The following TNFAIP6 variants were observed in gnomAD, a reference collection of about 807,000 sequenced individuals.
TNFAIP6 encodes the protein tumor necrosis factor-inducible gene 6 protein.
Under a neutral mutation model 33.7 loss-of-function variants are expected in TNFAIP6, and 36 were observed. That is an observed-to-expected ratio of 1.07 (90% confidence interval 0.82 to 1.41). The LOEUF (loss-of-function observed/expected upper bound fraction) is 1.41. Ranked by LOEUF, TNFAIP6 falls within the 40% of genes most tolerant of loss-of-function variation. The pLI is 0.00. For missense variants in TNFAIP6, 273 were observed against 331.9 expected (o/e 0.82, Z 1.38); for synonymous variants, 113 against 112.8 (o/e 1.00, Z -0.01).
chr2:151,377,685 C>T (rs1558902607), intron 5 of TNFAIP6, among the ~76,000 whole-genome samples: 1 of 152,062 alleles, frequency 6.6e-6, no homozygotes, highest in Non-Finnish European at 1.5e-5. Context: ...TATGAATTGC[C>T]TATGAATTTA....
intron 5 of TNFAIP6, among the ~76,000 whole-genome samples, chr2:151,376,650 A>G (rs1268326729): frequency 6.6e-6 from 1 of 152,050 alleles, no homozygotes; most frequent in Non-Finnish European, 1.5e-5. Flanking sequence ...TAGATCATTC[A>G]AATTCTTTTT....
At chr2:151,360,333 T>A (rs1684607296) in intron 1 of TNFAIP6, among the ~76,000 whole-genome samples, 1 of 152,066 alleles carries the variant, frequency 6.6e-6, no homozygotes, top group Non-Finnish European at 1.5e-5. Flanking sequence ...AAGTGACGTA[T>A]CTTGAGTTCC....
Position 151,357,743 on chromosome 2 carries a change from A to T in TNFAIP6, c.77A>T (p.His26Leu), listed in dbSNP as rs1300954433. The T allele has an allele frequency of 6.2e-7, 1 of 1,606,774 alleles. No homozygotes were observed. Among genetic ancestry groups the T allele is most frequent in the Non-Finnish European group, 8.5e-7 (1 of 1,173,610 alleles). The change falls in exon 1 of 6, where the codon CAT becomes CTT. Residue 26 changes from histidine (H) to leucine (L), a missense_variant. Transcript: ENST00000243347. ...TGGGGATTCAAGGATGGAATTTTTC[A>T]TAACTCCATATGGCTTGGTAAGAAC... is the stretch of plus-strand genomic sequence containing the variant. ...QGWGFKDGIF[H>L]NSIWLERAAG...
At chr2:151,378,388 C>G (rs1684954544) in intron 5 of TNFAIP6, among the ~76,000 whole-genome samples, 1 of 151,994 alleles carries the variant, frequency 6.6e-6, no homozygotes, top group South Asian at 2.1e-4. Flanking sequence ...AAACTTGTTG[C>G]TCTGACATCA....
intron 3 of TNFAIP6, among the ~76,000 whole-genome samples, chr2:151,369,043 A>G (rs1206439422): frequency 6.6e-6 from 1 of 152,178 alleles, no homozygotes; most frequent in Non-Finnish European, 1.5e-5. Flanking sequence ...AAATACAAAA[A>G]TTAGCCAGAC....
intron 5 of TNFAIP6, among the ~76,000 whole-genome samples, chr2:151,375,569 G>A (rs1684892286): frequency 6.6e-6 from 1 of 152,050 alleles, no homozygotes; most frequent in Non-Finnish European, 1.5e-5. Flanking sequence ...TTGGCCAGGT[G>A]CAGTGGCACA....
chr2:151,367,272 C>T (rs1358768076), intron 3 of TNFAIP6, among the ~76,000 whole-genome samples: 1 of 152,138 alleles, frequency 6.6e-6, no homozygotes, highest in Non-Finnish European at 1.5e-5. Context: ...GGAATAAATA[C>T]TTAACAGTGC....
intron 4 of TNFAIP6, among the ~76,000 whole-genome samples, chr2:151,372,740 C>CAA (rs1161929968): frequency 6.6e-6 from 1 of 150,744 alleles, no homozygotes; most frequent in Non-Finnish European, 1.5e-5. Flanking sequence ...GCCAACATGG[C>CAA]AAAACCCTGT....
intron 5 of TNFAIP6, among the ~76,000 whole-genome samples, chr2:151,376,242 T>C (rs1248055101): frequency 6.6e-6 from 1 of 151,822 alleles, no homozygotes; most frequent in Non-Finnish European, 1.5e-5. Flanking sequence ...TAAGATTCCC[T>C]TTCAAAAAAA....
At chr2:151,364,455 T>C (rs928092371) in intron 2 of TNFAIP6, among the ~76,000 whole-genome samples, 3 of 152,254 alleles carry the variant, frequency 2.0e-5, no homozygotes, top group African/African-American at 7.2e-5. Context: ...TAGTACTATA[T>C]TGAGTCTTAC....
Position 151,371,593 on chromosome 2 carries a change from C to T in TNFAIP6, c.623+1345C>T, listed in dbSNP as rs930677512. Among the ~76,000 whole-genome samples, 66 of 146,018 alleles carry T rather than the reference C, an allele frequency of 4.5e-4. No homozygotes were observed. The East Asian group carries it at 0.012, about 26-fold the overall frequency. Reference sequence around the variant, plus strand: ...TTTTCTTCTTTCTACATCTTTTTTTCTTTTTTTTTTTCTTTTTTTTGAGAC... The same window carrying T: ...TTTTCTTCTTTCTACATCTTTTTTTTTTTTTTTTTTTCTTTTTTTTGAGAC... On this transcript the variant is annotated intron_variant, in intron 4 of 5. Coordinates refer to ENST00000243347, the MANE Select transcript of TNFAIP6 (RefSeq NM_007115.4).
intron 3 of TNFAIP6, among the ~76,000 whole-genome samples, chr2:151,368,573 A>G (rs1323308585): frequency 6.6e-6 from 1 of 151,936 alleles, no homozygotes; most frequent in Admixed American, 6.5e-5. Flanking sequence ...TTTATAACAT[A>G]TTGAAATCTG....
intron 5 of TNFAIP6, among the ~76,000 whole-genome samples, chr2:151,376,527 C>T (rs1684910040): frequency 6.6e-6 from 1 of 152,062 alleles, no homozygotes; most frequent in African/African-American, 2.4e-5. Context: ...CCTCTCCATC[C>T]CAGAAAGGCA....
chr2:151,379,483 A>T lies in TNFAIP6; in HGVS notation c.784A>T (p.Thr262Ser), dbSNP rs371407882. 1.6e-5 allele frequency: 25 copies of T among 1,590,148 alleles called. No individual in the cohort carries two copies. The highest frequency in any genetic ancestry group is 2.1e-5 in the Non-Finnish European group (25 of 1,172,886). Residue 262 changes from threonine (T) to serine (S), a missense_variant, in exon 6 of 6, where the codon ACT becomes TCT. Transcript: ENST00000243347. Reference sequence around the variant, plus strand: ...CAGTCAAGGAAAAAATACAAGTACTACTTCTACTGGAAATAAAAACTTTTT... The same window carrying T: ...CAGTCAAGGAAAAAATACAAGTACTTCTTCTACTGGAAATAAAAACTTTTT... Reference protein sequence around the residue: ...KSSQGKNTSTTSTGNKNFLAG... With the variant: ...KSSQGKNTSTSSTGNKNFLAG...
At position 151,377,279 on chromosome 2, in the gene TNFAIP6, C is replaced by T. The variant is rs182943680; in HGVS notation, c.665-2085C>T. On this transcript the variant is annotated intron_variant, in intron 5 of 5. Coordinates refer to ENST00000243347, the MANE Select transcript of TNFAIP6 (RefSeq NM_007115.4). Reference sequence around the variant, plus strand: ...CCGCCTCCCGGGTTCACGCCATTCTCCTGCCTCAGCCTCCCAAGTAGCTGG... The same window carrying T: ...CCGCCTCCCGGGTTCACGCCATTCTTCTGCCTCAGCCTCCCAAGTAGCTGG... 7.8e-3 allele frequency among the ~76,000 whole-genome samples: 1,180 copies of T among 152,070 alleles called. 24 individuals carry two copies. The East Asian group carries it at 0.091, about 12-fold the overall frequency.
At chr2:151,376,875 T>TTTG (rs1684918922) in intron 5 of TNFAIP6, among the ~76,000 whole-genome samples, 2 of 149,396 alleles carry the variant, frequency 1.3e-5, no homozygotes, top group African/African-American at 4.9e-5. Context: ...CTTTTTTTTT[T>TTTG]TTTTTTTTTT....
At chr2:151,374,591 G>A (rs910688291) in intron 5 of TNFAIP6, among the ~76,000 whole-genome samples, 5 of 152,058 alleles carry the variant, frequency 3.3e-5, no homozygotes, top group Non-Finnish European at 7.3e-5. Context: ...TAATTTATTC[G>A]TCATAACTGT....
intron 3 of TNFAIP6, among the ~76,000 whole-genome samples, chr2:151,368,090 G>A (rs3771897): frequency 0.18 from 27,571 of 151,590 alleles, 2,869 homozygotes; most frequent in African/African-American, 0.29. Context: ...GGAACAACTC[G>A]CTCCTAAAGC....
intron 3 of TNFAIP6, 21 bp from the exon 4 acceptor site, chr2:151,369,999 T>A (rs376869350): frequency 6.4e-7 from 1 of 1,564,422 alleles, no homozygotes; most frequent in African/African-American, 1.4e-5. Flanking sequence ...GGTTTTTACG[T>A]TTTTTTTCTT....
Sources: allele counts gnomAD v4.1 joint callset (sites outside exome capture counted in the v4.1 genomes callset), GRCh38; gene constraint gnomAD v4.1.1; transcripts MANE v1.5; gene names NCBI Gene and HGNC (gene_info 2026-07-23, HGNC 2026-07-21).